The following PRKACG variants were observed in gnomAD, a reference collection of about 807,000 sequenced individuals.
The protein encoded by PRKACG is cAMP-dependent protein kinase catalytic subunit gamma.
Under a neutral mutation model 25.6 loss-of-function variants are expected in PRKACG, and 24 were observed. That is an observed-to-expected ratio of 0.94 (90% CI 0.68 to 1.32). The LOEUF (loss-of-function observed/expected upper bound fraction) is 1.32, where lower values mean the gene tolerates loss of function less well. PRKACG is among the 40% of genes most tolerant of loss of function. The probability of loss-of-function intolerance (pLI) is 0.00; values close to 1 mark genes in which losing one functional copy is unlikely to be tolerated. For missense variants in PRKACG, 481 were observed against 462.9 expected (o/e 1.04, Z -0.36); for synonymous variants, 202 against 195.9 (o/e 1.03, Z -0.26).
chr9:69,013,000 AAAAGG>A lies in PRKACG; in HGVS notation c.*32_*36del. 6.3e-7 allele frequency: 1 copy of A among 1,582,438 alleles called. No individual in the cohort carries two copies. Among genetic ancestry groups the A allele is most frequent in the Non-Finnish European group, 8.6e-7 (1 of 1,167,052 alleles). ...CCCATCCCCCAAACCACCAAAAACA[AAAAGG>A]AAAGAAAACCCACAGGGGCACAAGC... On this transcript the variant is annotated 3_prime_UTR_variant, in exon 1 of 1. Transcript: ENST00000377276.
rs972473388 is a variant in PRKACG at position 69,012,841 on chromosome 9, G to GT, written c.*195_*196insA. The stretch of plus-strand genomic sequence containing the variant: ...CAGAGGGACCAGGAAGGCATGGGGG[G>GT]GGGTGAGGGAGCAGCTGGTGTTTCT... On this transcript the variant is annotated 3_prime_UTR_variant, in exon 1 of 1. Coordinates refer to ENST00000377276, the MANE Select transcript of PRKACG (RefSeq NM_002732.4). 32 of 593,164 alleles carry GT rather than the reference G, an allele frequency of 5.4e-5. No homozygotes were observed. The East Asian group carries it at 8.8e-4, about 16-fold the overall frequency. 36.7% of individuals were successfully genotyped at this position (593,164 alleles called of 1,614,324 possible). A position where few individuals can be genotyped will look rare whatever the true frequency, so the allele number is the denominator to read the frequency against.
rs757424659 is a variant in PRKACG at position 69,013,668 on chromosome 9, G to T, written c.425C>A (p.Pro142His). The change falls in exon 1 of 1, where the codon CCC becomes CAC. Residue 142 changes from proline to histidine, a missense_variant. Transcript: ENST00000377276. ...RLQRVGRFSE[P>H]HACFYAAQVV... is the part of the protein sequence containing the mutation. ...CTGGGCGGCATAGAAACAGGCATGGGGCTCGCTAAACCTTCCGACGCGCTG... is the reference window on the plus strand; with the variant it reads ...CTGGGCGGCATAGAAACAGGCATGGTGCTCGCTAAACCTTCCGACGCGCTG... 6.2e-7 allele frequency: 1 copy of T among 1,614,030 alleles called. No individual in the cohort carries two copies.
rs1831308148 is a variant in PRKACG, at chr9:69,013,978, C to T, written c.115G>A (p.Ala39Thr). 2 of 1,613,538 alleles carry T rather than the reference C, an allele frequency of 1.2e-6. No homozygotes were observed. The highest frequency in any genetic ancestry group is 1.7e-5 in the Admixed American group (1 of 59,994). The change falls in exon 1 of 1, where the codon GCC becomes ACC. Residue 39 changes from alanine (A) to threonine (T), a missense_variant. Ala to Thr is a moderately conservative substitution (Grantham distance 58). Coordinates refer to ENST00000377276, the MANE Select transcript of PRKACG (RefSeq NM_002732.4). ...YRWGNPAQNT[A>T]SSDQFERLRT... ...AGCCGTTCGAACTGATCCGAGCTGGCGGTGTTTTGAGCGGGGTTTCCCCAT... is the reference window on the plus strand; with the variant it reads ...AGCCGTTCGAACTGATCCGAGCTGGTGGTGTTTTGAGCGGGGTTTCCCCAT...
Position 69,013,181 on chromosome 9 carries a change from G to T in PRKACG, c.912C>A (p.Ile304=), listed in dbSNP as rs1236987364. 4 of 1,614,012 alleles carry T rather than the reference G, an allele frequency of 2.5e-6. No homozygotes were observed. The African/African-American group carries it at 5.3e-5, about 22-fold the overall frequency. ...CTTCCACCTTCTTCTCATAGATGGC[G>T]ATCCAGCTGGTTGTGGCGAACCACT... ...NHKWFATTSW[I]AIYEKKVEAP... Residue 304 remains isoleucine (I), a synonymous_variant, in exon 1 of 1, where the codon ATC becomes ATA. Coordinates refer to ENST00000377276, the MANE Select transcript of PRKACG (RefSeq NM_002732.4).
chr9:69,013,820 G>A lies in PRKACG; in HGVS notation c.273C>T (p.Asn91=). Residue 91 remains asparagine, a synonymous_variant, in exon 1 of 1, where the codon AAC becomes AAT. Coordinates refer to ENST00000377276, the MANE Select transcript of PRKACG (RefSeq NM_002732.4). The part of the protein sequence containing the change: ...VKMKQVEHIL[N]EKRILQAIDF... ...CGATCGCCTGCAGGATGCGCTTCTCGTTCAGTATGTGCTCGACCTGCTTCA... is the reference window on the plus strand; with the variant it reads ...CGATCGCCTGCAGGATGCGCTTCTCATTCAGTATGTGCTCGACCTGCTTCA... 1 of 1,613,846 alleles carries A rather than the reference G, an allele frequency of 6.2e-7. No individual in the cohort carries two copies. Among genetic ancestry groups the A allele is most frequent in the East Asian group, 2.2e-5 (1 of 44,794 alleles).
In PRKACG at chr9:69,013,815, TTCTCGTTCAGTATG is replaced by T. The variant is rs1435100811; in HGVS notation, c.264_277del (p.His88GlnfsTer20). The T allele has an allele frequency of 6.2e-7, 1 of 1,613,882 alleles. No individual in the cohort carries two copies. Among genetic ancestry groups the T allele is most frequent in the East Asian group, 2.2e-5 (1 of 44,798 alleles). The stretch of plus-strand genomic sequence containing the variant: ...AAAGTCGATCGCCTGCAGGATGCGC[TTCTCGTTCAGTATG>T]TGCTCGACCTGCTTCATCTTCACCA... On this transcript the variant is annotated frameshift_variant, in exon 1 of 1. Transcript: ENST00000377276. LOFTEE classifies it high-confidence loss of function.
In PRKACG at chr9:69,012,770, G is replaced by C. The variant is rs1390063873; in HGVS notation, c.*267C>G. The C allele has an allele frequency of 2.2e-6, 1 of 460,722 alleles. No individual in the cohort carries two copies. Among genetic ancestry groups the C allele is most frequent in the Non-Finnish European group, 3.9e-6 (1 of 256,912 alleles). 28.5% of individuals were successfully genotyped at this position (460,722 alleles called of 1,614,324 possible). A position where few individuals can be genotyped will look rare whatever the true frequency, so the allele number is the denominator to read the frequency against. On this transcript the variant is annotated 3_prime_UTR_variant, in exon 1 of 1. Transcript: ENST00000377276. The stretch of plus-strand genomic sequence containing the variant: ...GAAACTCGTTTAAAACAGGCAGAAG[G>C]GGGCTGGGGCAAGGGGGACCCTGTG...
In PRKACG at chr9:69,013,388, G is replaced by A. The variant is rs1831295596; in HGVS notation, c.705C>T (p.Gly235=). The change falls in exon 1 of 1, where the codon GGC becomes GGT. Residue 235 remains glycine, a synonymous_variant. Coordinates refer to ENST00000377276, the MANE Select transcript of PRKACG (RefSeq NM_002732.4). The stretch of plus-strand genomic sequence containing the variant: ...GCTGGTCGGCGTAGAAGGGTGGGAA[G>A]CCCACGGCCATCTCATAGATGAGCA... ...LGVLIYEMAV[G]FPPFYADQPI... is the part of the protein sequence containing the mutation. 6.8e-6 allele frequency: 11 copies of A among 1,613,656 alleles called. No homozygotes were observed. The highest frequency in any genetic ancestry group is 9.3e-6 in the Non-Finnish European group (11 of 1,179,996).
rs3812539 is a variant in PRKACG at position 69,012,841 on chromosome 9, G to T, written c.*196C>A. On this transcript the variant is annotated 3_prime_UTR_variant, in exon 1 of 1. Transcript: ENST00000377276. ...CAGAGGGACCAGGAAGGCATGGGGG[G>T]GGGTGAGGGAGCAGCTGGTGTTTCT... The T allele has an allele frequency of 2.1e-3, 1,264 of 593,158 alleles. 16 individuals carry two copies. In the East Asian group the frequency reaches 0.032, roughly 15 times the overall value. 36.7% of individuals were successfully genotyped at this position (593,158 alleles called of 1,614,324 possible).
At chr9:69,014,102 GGCGGCAGGGGCGGGGGTCTC>G (rs748224465) in exon 1 of PRKACG, 3 of 1,520,928 alleles carry the variant, frequency 2.0e-6, no homozygotes, top group East Asian at 4.8e-5. Context: ...TGGCGGTGGC[GGCGGCAGGGGCGGGGGTCTC>G]GCGGCGGCGG....
At position 69,012,789 on chromosome 9, in the gene PRKACG, C is replaced by T. The variant is rs1390060906; in HGVS notation, c.*248G>A. 1 of 513,788 alleles carries T rather than the reference C, an allele frequency of 1.9e-6. No homozygotes were observed. Among genetic ancestry groups the T allele is most frequent in the East Asian group, 3.3e-5 (1 of 30,358 alleles). 31.8% of individuals were successfully genotyped at this position (513,788 alleles called of 1,614,324 possible). A position where few individuals can be genotyped will look rare whatever the true frequency, so the allele number is the denominator to read the frequency against. On this transcript the variant is annotated 3_prime_UTR_variant, in exon 1 of 1. Coordinates refer to ENST00000377276, the MANE Select transcript of PRKACG (RefSeq NM_002732.4). ...CAGAAGGGGGCTGGGGCAAGGGGGA[C>T]CCTGTGGGAGGAGAAAGAGAGAAGC...
rs941015562 is a variant in PRKACG at position 69,013,971 on chromosome 9, G to T, written c.122C>A (p.Ser41Ter). The T allele has an allele frequency of 4.3e-6, 7 of 1,613,596 alleles. No individual in the cohort carries two copies. The African/African-American group carries it at 8.0e-5, about 18-fold the overall frequency. Residue 41 changes from serine (S) to a stop codon, truncating the protein, a stop_gained, in exon 1 of 1, where the codon TCG becomes TAG. Coordinates refer to ENST00000377276, the MANE Select transcript of PRKACG (RefSeq NM_002732.4). LOFTEE classifies it high-confidence loss of function. ...CGTCCTGAGCCGTTCGAACTGATCC[G>T]AGCTGGCGGTGTTTTGAGCGGGGTT... Reference protein sequence around the residue: ...WGNPAQNTASSDQFERLRTLG... With the variant: ...WGNPAQNTAS
In PRKACG at chr9:69,013,393, C is replaced by T. The variant is rs766883623; in HGVS notation, c.700G>A (p.Val234Met). Residue 234 changes from valine (V) to methionine (M), a missense_variant, in exon 1 of 1, where the codon GTG becomes ATG. Coordinates refer to ENST00000377276, the MANE Select transcript of PRKACG (RefSeq NM_002732.4). ...ALGVLIYEMA[V>M]GFPPFYADQP... ...TCGGCGTAGAAGGGTGGGAAGCCCA[C>T]GGCCATCTCATAGATGAGCACCCCT... 1 of 1,613,632 alleles carries T rather than the reference C, an allele frequency of 6.2e-7. No homozygotes were observed. The highest frequency in any genetic ancestry group is 8.5e-7 in the Non-Finnish European group (1 of 1,180,008).
Position 69,013,840 on chromosome 9 carries a change from G to T in PRKACG, c.253C>A (p.Gln85Lys). 6.2e-7 allele frequency: 1 copy of T among 1,613,762 alleles called. No homozygotes were observed. Among genetic ancestry groups the T allele is most frequent in the Non-Finnish European group, 8.5e-7 (1 of 1,179,998 alleles). Residue 85 changes from glutamine (Q) to lysine (K), a missense_variant, in exon 1 of 1, where the codon CAG (glutamine) becomes AAG (lysine). By Grantham distance (53) the Gln-to-Lys change is moderately conservative. Transcript: ENST00000377276. ...LNKQKVVKMKQVEHILNEKRI... is the reference protein window; with the variant it reads ...LNKQKVVKMKKVEHILNEKRI... ...TTCTCGTTCAGTATGTGCTCGACCT[G>T]CTTCATCTTCACCACCTTCTGCTTG...
Position 69,014,008 on chromosome 9 carries a change from A to G in PRKACG, c.85T>C (p.Tyr29His). 3 of 1,613,484 alleles carry G rather than the reference A, an allele frequency of 1.9e-6. No individual in the cohort carries two copies. Among genetic ancestry groups the G allele is most frequent in the Non-Finnish European group, 2.5e-6 (3 of 1,179,966 alleles). ...TTTTGAGCGGGGTTTCCCCATCTGT[A>G]GAGGAAATCTCCTCTGGCTTTGGCT... The part of the protein sequence containing the change: ...FLAKARGDFL[Y>H]RWGNPAQNTA... The change falls in exon 1 of 1, where the codon TAC (tyrosine) becomes CAC (histidine). Residue 29 changes from tyrosine to histidine, a missense_variant. By Grantham distance (83) the Tyr-to-His change is moderately conservative. Transcript: ENST00000377276.
Position 69,013,391 on chromosome 9 carries a change from C to T in PRKACG, c.702G>A (p.Val234=). ...ALGVLIYEMA[V]GFPPFYADQP... is the part of the protein sequence containing the mutation. ...GGTCGGCGTAGAAGGGTGGGAAGCC[C>T]ACGGCCATCTCATAGATGAGCACCC... The change falls in exon 1 of 1, where the codon GTG becomes GTA. Residue 234 remains valine, a synonymous_variant. Transcript: ENST00000377276. The T allele has an allele frequency of 6.2e-7, 1 of 1,613,700 alleles. No individual in the cohort carries two copies. The highest frequency in any genetic ancestry group is 8.5e-7 in the Non-Finnish European group (1 of 1,179,998).
chr9:69,014,051 C>G lies in PRKACG; in HGVS notation c.42G>C (p.Glu14Asp), dbSNP rs1283718757. Residue 14 changes from glutamate (E) to aspartate (D), a missense_variant, in exon 1 of 1, where the codon GAG becomes GAC. Glu to Asp is a conservative substitution (Grantham distance 45, BLOSUM62 2). Coordinates refer to ENST00000377276, the MANE Select transcript of PRKACG (RefSeq NM_002732.4). ...APAKKDTEQE[E>D]SVNEFLAKAR... The stretch of plus-strand genomic sequence containing the variant: ...CTTTGGCTAGGAACTCGTTCACGCT[C>G]TCCTCCTGCTCGGTGTCCTTCTTGG... 6.2e-7 allele frequency: 1 copy of G among 1,611,764 alleles called. No homozygotes were observed. Among genetic ancestry groups the G allele is most frequent in the South Asian group, 1.1e-5 (1 of 91,062 alleles).
rs1327144434 is a variant in PRKACG at position 69,013,576 on chromosome 9, G to T, written c.517C>A (p.Leu173Ile). Residue 173 changes from leucine (L) to isoleucine (I), a missense_variant, in exon 1 of 1, where the codon CTC (leucine) becomes ATC (isoleucine). Physicochemically the swap from Leu to Ile is conservative, Grantham distance 5 (BLOSUM62 2). Coordinates refer to ENST00000377276, the MANE Select transcript of PRKACG (RefSeq NM_002732.4). Reference protein sequence around the residue: ...LIHRDLKPENLLIDQQGYLQV... With the variant: ...LIHRDLKPENILIDQQGYLQV... ...AGGTAGCCCTGCTGGTCGATGAGGA[G>T]ATTCTCGGGCTTCAGGTCGCGGTGG... 1.9e-6 allele frequency: 3 copies of T among 1,613,534 alleles called. No individual in the cohort carries two copies. The highest frequency in any genetic ancestry group is 2.5e-6 in the Non-Finnish European group (3 of 1,179,734).
Position 69,013,273 on chromosome 9 carries a change from G to T in PRKACG, c.820C>A (p.Leu274Met). 6.2e-7 allele frequency: 1 copy of T among 1,614,150 alleles called. No individual in the cohort carries two copies. Among genetic ancestry groups the T allele is most frequent in the South Asian group, 1.1e-5 (1 of 91,076 alleles). Residue 274 changes from leucine (L) to methionine (M), a missense_variant, in exon 1 of 1, where the codon CTG becomes ATG. Physicochemically the swap from Leu to Met is conservative, Grantham distance 15. Coordinates refer to ENST00000377276, the MANE Select transcript of PRKACG (RefSeq NM_002732.4). ...AAGCGCTTGGTGAGGTCCACCTGCA[G>T]CAGGCTCCGCAGCAGATGCTTGAGG... ...SDLKHLLRSL[L>M]QVDLTKRFGN...
Sources: allele counts gnomAD v4.1 joint callset, GRCh38; gene constraint gnomAD v4.1.1; transcripts MANE v1.5; gene names NCBI Gene and HGNC (gene_info 2026-07-23, HGNC 2026-07-21).